Variants in HS3ST3A1 observed in about 807,000 individuals in gnomAD.
The protein encoded by HS3ST3A1 is heparan sulfate glucosamine 3-O-sulfotransferase 3A1.
A neutral mutation model predicts 25.7 loss-of-function variants in HS3ST3A1; 19 were observed. The ratio of observed to expected loss-of-function variants is 0.74; its 90% CI spans 0.52 to 1.08. The LOEUF is 1.08. Among genes scored for constraint, HS3ST3A1 ranks in the 50% least tolerant of loss-of-function variants. The probability of loss-of-function intolerance (pLI) is 0.00; values close to 1 mark genes in which losing one functional copy is unlikely to be tolerated. For synonymous variants in HS3ST3A1, 226 were observed against 278.6 expected (o/e 0.81, Z 1.88); for missense variants, 459 against 594.3 (o/e 0.77, Z 2.37).
intron 1 of HS3ST3A1, among the ~76,000 whole-genome samples, chr17:13,552,909 C>G (rs540482574): frequency 3.9e-5 from 6 of 152,166 alleles, no homozygotes; most frequent in Non-Finnish European, 7.3e-5. Context: ...TCTTCCCTCT[C>G]TGGTAGACTT....
At chr17:13,590,905 AT>A (rs1294703570) in intron 1 of HS3ST3A1, among the ~76,000 whole-genome samples, 1 of 144,688 alleles carries the variant, frequency 6.9e-6, no homozygotes, top group African/African-American at 2.6e-5. Flanking sequence ...AGAGCACTGG[AT>A]TGGGGGGGGA....
chr17:13,545,347 G>A (rs532211733), intron 1 of HS3ST3A1, among the ~76,000 whole-genome samples: 1 of 152,284 alleles, frequency 6.6e-6, no homozygotes, highest in East Asian at 1.9e-4. Context: ...ATTCCACAGG[G>A]GACTCTTCCC....
rs61741326 is a variant in HS3ST3A1, at chr17:13,496,299, A to C, written c.1119T>G (p.Pro373=). 1.0e-5 allele frequency: 16 copies of C among 1,530,838 alleles called. No homozygotes were observed. Among genetic ancestry groups the C allele is most frequent in the South Asian group, 5.0e-5 (4 of 80,080 alleles). 94.8% of individuals were successfully genotyped at this position (1,530,838 alleles called of 1,614,324 possible). Reference sequence around the variant, plus strand: ...TGCGCACCACCTCGCGGTCGATCTCAGGATGGGTCCTGCCCTTGGTCTTGC... The same window carrying C: ...TGCGCACCACCTCGCGGTCGATCTCCGGATGGGTCCTGCCCTTGGTCTTGC... ...CLGKTKGRTH[P]EIDREVVRRL... Residue 373 remains proline, a synonymous_variant, in exon 2 of 2, where the codon CCT becomes CCG. Coordinates refer to ENST00000284110, the MANE Select transcript of HS3ST3A1 (RefSeq NM_006042.3).
chr17:13,551,683 C>T (rs1276664621), intron 1 of HS3ST3A1, among the ~76,000 whole-genome samples: 1 of 151,756 alleles, frequency 6.6e-6, no homozygotes, highest in Non-Finnish European at 1.5e-5. Flanking sequence ...CTTCTTCATG[C>T]TTGTCCTCAA....
At chr17:13,590,035 A>T (rs1908379345) in intron 1 of HS3ST3A1, among the ~76,000 whole-genome samples, 3 of 152,182 alleles carry the variant, frequency 2.0e-5, no homozygotes, top group Admixed American at 6.5e-5. Context: ...AAGAAATTTT[A>T]TTCCCATAAT....
intron 1 of HS3ST3A1, among the ~76,000 whole-genome samples, chr17:13,580,901 CA>C (rs938969724): frequency 2.0e-5 from 3 of 151,328 alleles, no homozygotes; most frequent in Admixed American, 2.0e-4. Flanking sequence ...CAAAAACAAA[CA>C]AAAAAAAGAA....
intron 1 of HS3ST3A1, among the ~76,000 whole-genome samples, chr17:13,594,913 G>A (rs1286782159): frequency 6.6e-6 from 1 of 152,032 alleles, no homozygotes; most frequent in East Asian, 1.9e-4. Context: ...GTTTTTCAAA[G>A]TTCTCCCTTT....
At chr17:13,511,620 A>T (rs2142307225) in intron 1 of HS3ST3A1, among the ~76,000 whole-genome samples, 1 of 151,740 alleles carries the variant, frequency 6.6e-6, no homozygotes, top group East Asian at 1.9e-4. Flanking sequence ...TTTTATAATG[A>T]AGCAACTGAT....
intron 1 of HS3ST3A1, among the ~76,000 whole-genome samples, chr17:13,596,641 C>T (rs1908586066): frequency 6.6e-6 from 1 of 152,122 alleles, no homozygotes; most frequent in African/African-American, 2.4e-5. Flanking sequence ...TCACTCTCTT[C>T]CTAGCCCTCA....
chr17:13,595,089 C>A (rs1026735326), intron 1 of HS3ST3A1, among the ~76,000 whole-genome samples: 1 of 151,812 alleles, frequency 6.6e-6, no homozygotes, highest in Non-Finnish European at 1.5e-5. Flanking sequence ...ACTTCCCCGT[C>A]TCTTTTCACA....
intron 1 of HS3ST3A1, among the ~76,000 whole-genome samples, chr17:13,526,517 A>ATATATATTT (rs1906434823): frequency 3.9e-5 from 3 of 77,162 alleles, no homozygotes; most frequent in African/African-American, 1.4e-4. Flanking sequence ...TATATATATT[A>ATATATATTT]TTGGGTTGGT....
At chr17:13,507,553 T>A (rs752578840) in intron 1 of HS3ST3A1, among the ~76,000 whole-genome samples, 1 of 152,208 alleles carries the variant, frequency 6.6e-6, no homozygotes, top group Non-Finnish European at 1.5e-5. Context: ...CATCTCTGAA[T>A]GCAAATCACC....
chr17:13,578,746 C>T (rs1034004821), intron 1 of HS3ST3A1, among the ~76,000 whole-genome samples: 10 of 152,076 alleles, frequency 6.6e-5, no homozygotes, highest in African/African-American at 2.4e-4. Context: ...TTTAGCATAA[C>T]ACCAGACACA....
chr17:13,504,762 G>A (rs2142298062), intron 1 of HS3ST3A1, among the ~76,000 whole-genome samples: 1 of 152,268 alleles, frequency 6.6e-6, no homozygotes, highest in Middle Eastern at 3.4e-3. Flanking sequence ...TGTAAATTCA[G>A]ATCACAAAGG....
chr17:13,580,215 C>T (rs989821675), intron 1 of HS3ST3A1, among the ~76,000 whole-genome samples: 2 of 151,846 alleles, frequency 1.3e-5, no homozygotes. Flanking sequence ...TAGGGTACAA[C>T]ACTTAAAATT....
At chr17:13,570,999 G>A (rs934954355) in intron 1 of HS3ST3A1, among the ~76,000 whole-genome samples, 29 of 152,278 alleles carry the variant, frequency 1.9e-4, no homozygotes, top group Admixed American at 1.7e-3. Flanking sequence ...GGAGAGGCCT[G>A]TTGTTACCAA....
intron 1 of HS3ST3A1, among the ~76,000 whole-genome samples, chr17:13,556,839 G>A (rs1406508111): frequency 1.4e-4 from 17 of 121,830 alleles, no homozygotes; most frequent in African/African-American, 3.4e-4. Context: ...GCGAAAGAGC[G>A]AAACTCCGCC....
At chr17:13,536,337 G>C (rs551775765) in intron 1 of HS3ST3A1, among the ~76,000 whole-genome samples, 3 of 152,204 alleles carry the variant, frequency 2.0e-5, no homozygotes, top group African/African-American at 7.2e-5. Flanking sequence ...GAAAGTCAAG[G>C]GCTAATTTAT....
At chr17:13,556,831 G>A (rs1343458679) in intron 1 of HS3ST3A1, among the ~76,000 whole-genome samples, 4 of 137,760 alleles carry the variant, frequency 2.9e-5, no homozygotes, top group East Asian at 2.1e-4. Flanking sequence ...CAGCCTGGGC[G>A]AAAGAGCGAA....
Sources: gnomAD v4.1 joint callset for allele counts (sites outside exome capture counted in the v4.1 genomes callset) on GRCh38, gnomAD v4.1.1 for gene constraint, MANE v1.5 for transcripts, NCBI Gene and HGNC (gene_info 2026-07-23, HGNC 2026-07-21) for gene names.